PAK5: variants seen among roughly 807,000 people sequenced by gnomAD.
PAK5 encodes p21 (RAC1) activated kinase 5.
A neutral mutation model predicts 65.9 loss-of-function variants in PAK5; 16 were observed. That is an observed-to-expected ratio of 0.24 (90% confidence interval 0.16 to 0.37). PAK5 has a LOEUF of 0.37. PAK5 is among the 10% of genes least tolerant of loss of function. PAK5 has a pLI of 1.00. For synonymous variants in PAK5, 371 were observed against 354.9 expected, an observed-to-expected ratio of 1.05 and a Z score of -0.51; for missense variants, 785 against 903.9, an observed-to-expected ratio of 0.87 and a Z score of 1.69.
At chr20:9,768,920 T>C (rs2123671140) in intron 1 of PAK5, among the ~76,000 whole-genome samples, 1 of 150,590 alleles carries the variant, frequency 6.6e-6, no homozygotes, top group East Asian at 2.0e-4. Context: ...TATGTTCCCA[T>C]AGTAATTAAA....
intron 3 of PAK5, among the ~76,000 whole-genome samples, chr20:9,635,119 A>G (rs2046968008): frequency 6.6e-6 from 1 of 152,164 alleles, no homozygotes; most frequent in South Asian, 2.1e-4. Flanking sequence ...AACTGTCTTT[A>G]TAACATATAC....
At chr20:9,728,568 A>T (rs1242737752) in intron 1 of PAK5, among the ~76,000 whole-genome samples, 1 of 152,208 alleles carries the variant, frequency 6.6e-6, no homozygotes, top group East Asian at 1.9e-4. Flanking sequence ...AAAGAGTCAA[A>T]TTCACAAAAG....
intron 7 of PAK5, among the ~76,000 whole-genome samples, chr20:9,550,087 G>A (rs186238904): frequency 1.3e-5 from 2 of 152,272 alleles, no homozygotes; most frequent in Admixed American, 6.5e-5. Context: ...ATGGAGACAC[G>A]GCGCTATAGT....
intron 1 of PAK5, among the ~76,000 whole-genome samples, chr20:9,790,929 C>T (rs1391672085): frequency 1.3e-5 from 2 of 152,126 alleles, no homozygotes; most frequent in Non-Finnish European, 2.9e-5. Flanking sequence ...TCTTCCGTGG[C>T]CTCTCCACAT....
At chr20:9,797,677 A>G (rs2049120896) in intron 1 of PAK5, among the ~76,000 whole-genome samples, 1 of 144,416 alleles carries the variant, frequency 6.9e-6, no homozygotes, top group South Asian at 2.3e-4. Flanking sequence ...ATAAGAGCAC[A>G]AGAAAAAAAA....
At chr20:9,652,006 G>T (rs1047544368) in intron 2 of PAK5, among the ~76,000 whole-genome samples, 3 of 152,164 alleles carry the variant, frequency 2.0e-5, no homozygotes, top group Non-Finnish European at 4.4e-5. Context: ...TGACTTTAAC[G>T]TACCTCTTAA....
chr20:9,802,910 G>GTATATATA (rs57705525), intron 1 of PAK5, among the ~76,000 whole-genome samples: 485 of 46,376 alleles, frequency 0.01, 33 homozygotes, highest in Middle Eastern at 0.036. Flanking sequence ...ATATGTATGT[G>GTATATATA]TATATATATA....
At chr20:9,790,943 G>T (rs76647197) in intron 1 of PAK5, among the ~76,000 whole-genome samples, 1 of 151,984 alleles carries the variant, frequency 6.6e-6, no homozygotes, top group African/African-American at 2.4e-5. Flanking sequence ...TCCACATCAC[G>T]GGGAATGGGT....
At chr20:9,723,404 G>C (rs892425919) in intron 1 of PAK5, among the ~76,000 whole-genome samples, 5 of 152,156 alleles carry the variant, frequency 3.3e-5, no homozygotes, top group African/African-American at 1.2e-4. Flanking sequence ...GAGAGAATCA[G>C]ATTTAAATGT....
At chr20:9,555,637 G>GA (rs1172328104) in intron 7 of PAK5, among the ~76,000 whole-genome samples, 2 of 152,088 alleles carry the variant, frequency 1.3e-5, no homozygotes, top group South Asian at 2.1e-4. Context: ...GGAAGATTAA[G>GA]AAAAAATGCA....
intron 1 of PAK5, among the ~76,000 whole-genome samples, chr20:9,823,767 G>A (rs114121464): frequency 0.013 from 1,961 of 152,200 alleles, 36 homozygotes; most frequent in African/African-American, 0.04. Flanking sequence ...TTCCATGAAC[G>A]TTCCAAGTAA....
intron 4 of PAK5, among the ~76,000 whole-genome samples, chr20:9,573,739 C>T (rs908235252): frequency 2.0e-5 from 3 of 152,116 alleles, no homozygotes; most frequent in South Asian, 2.1e-4. Context: ...GTGGCTGGAG[C>T]GTGCTCGACT....
intron 1 of PAK5, among the ~76,000 whole-genome samples, chr20:9,813,091 T>C (rs1421543436): frequency 6.6e-6 from 1 of 152,150 alleles, no homozygotes; most frequent in Non-Finnish European, 1.5e-5. Flanking sequence ...ACAATATAGA[T>C]GAATCCCAAA....
intron 1 of PAK5, among the ~76,000 whole-genome samples, chr20:9,836,135 T>C (rs1363199999): frequency 6.6e-6 from 1 of 151,842 alleles, no homozygotes; most frequent in Non-Finnish European, 1.5e-5. Flanking sequence ...TTCCCTTAAA[T>C]AATCTTTAAA....
chr20:9,562,665 C>A (rs1217920513), intron 6 of PAK5, among the ~76,000 whole-genome samples: 1 of 152,162 alleles, frequency 6.6e-6, no homozygotes, highest in Non-Finnish European at 1.5e-5. Context: ...TATTTTAAAT[C>A]AATGGGTATT....
At position 9,630,821 on chromosome 20, in the gene PAK5, C is replaced by G. The variant is rs1159516682; in HGVS notation, c.204+13304G>C. 2.6e-5 allele frequency among the ~76,000 whole-genome samples: 4 copies of G among 152,154 alleles called. No individual in the cohort carries two copies. The East Asian group carries it at 7.7e-4, about 29-fold the overall frequency. The stretch of plus-strand genomic sequence containing the variant: ...GCTGGATTTCAGAAGAGTCACGGAC[C>G]AGTAATTCCCTTTTTCCTTCCACTC... On this transcript the variant is annotated intron_variant, in intron 3 of 9. Transcript: ENST00000353224.
intron 1 of PAK5, among the ~76,000 whole-genome samples, chr20:9,759,547 G>A (rs186062134): frequency 9.9e-5 from 15 of 152,274 alleles, no homozygotes; most frequent in Non-Finnish European, 1.8e-4. Context: ...GTCAGTAGGT[G>A]AGGAGCCCAT....
intron 1 of PAK5, among the ~76,000 whole-genome samples, chr20:9,815,595 C>T (rs1446237235): frequency 6.6e-6 from 1 of 152,070 alleles, no homozygotes; most frequent in African/African-American, 2.4e-5. Context: ...GCAATGGTCC[C>T]GTCGGTTATA....
At chr20:9,756,541 C>T (rs73073781) in intron 1 of PAK5, among the ~76,000 whole-genome samples, 1,906 of 152,110 alleles carry the variant, frequency 0.013, 30 homozygotes, top group Middle Eastern at 0.048. Flanking sequence ...ATATGAAATG[C>T]GTTGTAAAAT....
Sources: gnomAD v4.1 joint callset for allele counts (sites outside exome capture counted in the v4.1 genomes callset) on GRCh38, gnomAD v4.1.1 for gene constraint, MANE v1.5 for transcripts, NCBI Gene and HGNC (gene_info 2026-07-23, HGNC 2026-07-21) for gene names.